The following DEK variants were observed in gnomAD, a reference collection of about 807,000 sequenced individuals.
DEK encodes the protein protein DEK.
A neutral mutation model predicts 46.8 loss-of-function variants in DEK; 28 were observed. The ratio of observed to expected loss-of-function variants is 0.60; its 90% CI spans 0.44 to 0.82. DEK has a LOEUF of 0.82. DEK is among the 40% of genes least tolerant of loss of function. The pLI, the probability that DEK is intolerant of heterozygous loss-of-function variation, is 0.00. For missense variants in DEK, 416 were observed against 430.6 expected (o/e 0.97, Z 0.30); for synonymous variants, 160 against 144.5 (o/e 1.11, Z -0.77).
intron 2 of DEK, 83 bp downstream of exon 2, chr6:18,263,760 A>T (rs1561995990): frequency 1.2e-6 from 2 of 1,609,270 alleles, no homozygotes; most frequent in South Asian, 2.2e-5. Context: ...ACACCAAAAG[A>T]GCAAGAAAAC....
chr6:18,253,459 T>C (rs1791479823), intron 6 of DEK, among the ~76,000 whole-genome samples: 1 of 152,192 alleles, frequency 6.6e-6, no homozygotes, highest in East Asian at 1.9e-4. Context: ...TTAATGACAG[T>C]GTTCAATAAA....
intron 9 of DEK, among the ~76,000 whole-genome samples, chr6:18,227,402 C>G (rs1256620266): frequency 6.6e-6 from 1 of 152,178 alleles, no homozygotes; most frequent in Non-Finnish European, 1.5e-5. Context: ...AAGCACAGCA[C>G]TTAATTCTTT....
intron 9 of DEK, among the ~76,000 whole-genome samples, chr6:18,229,176 T>C (rs529849019): frequency 6.6e-6 from 1 of 152,350 alleles, no homozygotes; most frequent in South Asian, 2.1e-4. Flanking sequence ...CTGAGGGTCC[T>C]GACTGTTAGA....
At position 18,263,865 on chromosome 6, in the gene DEK, C is replaced by G. The variant is rs147127829; in HGVS notation, c.123G>C (p.Glu41Asp). 262 of 1,591,878 alleles carry G rather than the reference C, an allele frequency of 1.6e-4. No homozygotes were observed. The African/African-American group carries it at 1.9e-3, about 12-fold the overall frequency. ...ESEEEEDEDD[E>D]EEEEEEKEKS... ...CACCTTTTTCCTCCTCCTCCTCCTC[C>G]TCGTCGTCCTCGTCCTCTTCCTCCT... Residue 41 changes from glutamate to aspartate, a missense_variant, in exon 2 of 11, where the codon GAG becomes GAC. Physicochemically the swap from Glu to Asp is conservative, Grantham distance 45. Coordinates refer to ENST00000652689, the MANE Select transcript of DEK (RefSeq NM_003472.4).
intron 9 of DEK, among the ~76,000 whole-genome samples, chr6:18,229,594 T>G (rs1790311904): frequency 6.6e-6 from 1 of 152,162 alleles, no homozygotes; most frequent in Admixed American, 6.5e-5. Flanking sequence ...CAAGCTTCAG[T>G]AGCCGATTCG....
chr6:18,239,959 C>T (rs1790832998), intron 7 of DEK, among the ~76,000 whole-genome samples: 1 of 152,030 alleles, frequency 6.6e-6, no homozygotes, highest in Non-Finnish European at 1.5e-5. Flanking sequence ...CTTGCAGGTA[C>T]AAGAAAGTAA....
chr6:18,249,873 G>A (rs201872731), intron 6 of DEK, 34 bp from the exon 7 acceptor site: 3 of 1,536,894 alleles, frequency 2.0e-6, no homozygotes, highest in Middle Eastern at 1.7e-4. Context: ...ACACCAATGA[G>A]GTATAATATT....
intron 2 of DEK, among the ~76,000 whole-genome samples, chr6:18,259,394 C>CAAAAAAAAAAAAAAAAAAAA (rs56704006): frequency 4.8e-5 from 2 of 41,480 alleles, no homozygotes; most frequent in Non-Finnish European, 5.2e-5. Flanking sequence ...GACTCCGTCT[C>CAAAAAAAAAAAAAAAAAAAA]AAAAAAAAAA....
intron 2 of DEK, among the ~76,000 whole-genome samples, chr6:18,261,841 G>C (rs1022258535): frequency 5.9e-5 from 9 of 152,168 alleles, no homozygotes; most frequent in Admixed American, 2.6e-4. Context: ...ACCGGACTTT[G>C]GGGGACTACT....
chr6:18,261,299 G>A (rs964718796), intron 2 of DEK, among the ~76,000 whole-genome samples: 6 of 152,206 alleles, frequency 3.9e-5, no homozygotes, highest in African/African-American at 1.2e-4. Context: ...TAGGCCGGGC[G>A]CAGTGGCTTA....
chr6:18,224,621 A>G lies in DEK; in HGVS notation c.*1098T>C, dbSNP rs1038658494. On this transcript the variant is annotated 3_prime_UTR_variant, in exon 11 of 11. Transcript: ENST00000652689. Reference sequence around the variant, plus strand: ...CATTAAATTTCTTTAATGTAAAAGTATATTATTTTTGAGACACACTTTGTC... The same window carrying G: ...CATTAAATTTCTTTAATGTAAAAGTGTATTATTTTTGAGACACACTTTGTC... 2 of 205,030 alleles carry G rather than the reference A, an allele frequency of 9.8e-6. No homozygotes were observed. Among genetic ancestry groups the G allele is most frequent in the Non-Finnish European group, 2.0e-5 (2 of 100,252 alleles). The allele number at this position is 205,030 out of a possible 1,614,324, so 12.7% of individuals were successfully genotyped here.
chr6:18,254,039 G>C (rs1320910313), intron 6 of DEK, among the ~76,000 whole-genome samples: 1 of 151,902 alleles, frequency 6.6e-6, no homozygotes, highest in African/African-American at 2.4e-5. Flanking sequence ...CATTGCAAAA[G>C]ACTGAATGCG....
chr6:18,239,936 A>G (rs1174160687), intron 7 of DEK, among the ~76,000 whole-genome samples: 2 of 152,224 alleles, frequency 1.3e-5, no homozygotes, highest in African/African-American at 4.8e-5. Flanking sequence ...GTTAAACGGT[A>G]ATAAAATCTG....
At chr6:18,239,081 C>T (rs762907979) in intron 7 of DEK, among the ~76,000 whole-genome samples, 1 of 152,126 alleles carries the variant, frequency 6.6e-6, no homozygotes, top group Non-Finnish European at 1.5e-5. Context: ...TGCGCCACCA[C>T]ACCCGGCTAC....
At chr6:18,245,498 CCA>C (rs772911614) in intron 7 of DEK, among the ~76,000 whole-genome samples, 20 of 151,496 alleles carry the variant, frequency 1.3e-4, no homozygotes, top group South Asian at 4.1e-4. Context: ...TCGTAAAACT[CCA>C]CAGTTTGTTT....
intron 4 of DEK, among the ~76,000 whole-genome samples, 185 bp from the exon 5 acceptor site, chr6:18,256,640 T>C (rs1791610090): frequency 6.6e-6 from 1 of 152,170 alleles, no homozygotes; most frequent in Admixed American, 6.5e-5. Flanking sequence ...AACTGAAAAA[T>C]GTATTTGTCA....
chr6:18,240,030 T>C (rs1790835723), intron 7 of DEK, among the ~76,000 whole-genome samples: 1 of 152,186 alleles, frequency 6.6e-6, no homozygotes, highest in South Asian at 2.1e-4. Context: ...AATTACTCAA[T>C]CTCCATTCAA....
At chr6:18,225,875 T>G in intron 10 of DEK, 145 bp from the exon 11 acceptor site, 5 of 987,250 alleles carry the variant, frequency 5.1e-6, no homozygotes, top group Non-Finnish European at 7.5e-6. Context: ...CCCTCACCTT[T>G]GCCTCGTAGA....
chr6:18,260,168 T>A (rs998147947), intron 2 of DEK, among the ~76,000 whole-genome samples: 1 of 152,240 alleles, frequency 6.6e-6, no homozygotes, highest in Non-Finnish European at 1.5e-5. Flanking sequence ...ATGTAACCTA[T>A]GACCATCTTC....
Sources: allele counts gnomAD v4.1 joint callset (sites outside exome capture counted in the v4.1 genomes callset), GRCh38; gene constraint gnomAD v4.1.1; transcripts MANE v1.5; gene names NCBI Gene and HGNC (gene_info 2026-07-23, HGNC 2026-07-21).